CPNE4: variants seen among roughly 807,000 people sequenced by gnomAD.
CPNE4 encodes copine 4, also known as copine-4.
Under a neutral mutation model 67.9 loss-of-function variants are expected in CPNE4, and 25 were observed. That is an observed-to-expected ratio of 0.37 (90% CI 0.27 to 0.51). CPNE4 has a LOEUF of 0.51. CPNE4 is among the 20% of genes least tolerant of loss of function. The probability of loss-of-function intolerance (pLI) is 0.93; values close to 1 mark genes in which losing one functional copy is unlikely to be tolerated. For missense variants in CPNE4, 464 were observed against 690.8 expected (o/e 0.67, Z 3.68); for synonymous variants, 242 against 244.9 (o/e 0.99, Z 0.11).
chr3:131,548,017 G>A (rs13076135), intron 14 of CPNE4, among the ~76,000 whole-genome samples: 23,637 of 152,104 alleles, frequency 0.16, 1,953 homozygotes, highest in African/African-American at 0.21. Flanking sequence ...ACCCAAGCCC[G>A]GAGTAGCTGA....
chr3:132,023,514 G>C (rs1404907221), intron 1 of CPNE4, among the ~76,000 whole-genome samples: 1 of 114,004 alleles, frequency 8.8e-6, no homozygotes, highest in East Asian at 2.5e-4. Flanking sequence ...TTGAGACGGA[G>C]TCTCGCTCTG....
chr3:131,963,005 G>T, intron 1 of CPNE4, among the ~76,000 whole-genome samples: 1 of 152,148 alleles, frequency 6.6e-6, no homozygotes, highest in East Asian at 1.9e-4. Context: ...CTCCCAGTGA[G>T]ACCAATGCAG....
chr3:131,998,913 G>A lies in CPNE4; in HGVS notation c.-2+35654C>T, dbSNP rs1420387174. Among the ~76,000 whole-genome samples, 4 of 151,924 alleles carry A rather than the reference G, an allele frequency of 2.6e-5. No individual in the cohort carries two copies. The East Asian group carries it at 7.7e-4, about 29-fold the overall frequency. On this transcript the variant is annotated intron_variant, in intron 1 of 15. Transcript: ENST00000429747. ...TAGTAGTAAACAGGTCCTATCTCTA[G>A]CTTATATTATAATGAGTGAAAACAA...
chr3:131,882,997 G>A (rs1378632903), intron 2 of CPNE4, among the ~76,000 whole-genome samples: 4 of 152,196 alleles, frequency 2.6e-5, no homozygotes, highest in Non-Finnish European at 5.9e-5. Flanking sequence ...GATTACAGGC[G>A]TGAGCCACCA....
intron 7 of CPNE4, among the ~76,000 whole-genome samples, chr3:131,616,504 T>A (rs1940167050): frequency 1.3e-5 from 2 of 152,148 alleles, no homozygotes; most frequent in Admixed American, 1.3e-4. Flanking sequence ...AAACTAGAGG[T>A]AACCCAAATT....
rs1560674366 is a variant in CPNE4 at position 131,955,419 on chromosome 3, T to TTTGTTTTTTTTGTTTTTTTTG, written c.-1-49976_-1-49975insCAAAAAAAACAAAAAAAACAA. The stretch of plus-strand genomic sequence containing the variant: ...TGGTATTGTATGTAAGGTTTTTTTT[T>TTTGTTTTTTTTGTTTTTTTTG]TTTTTTTTTTTTTTTGTATGCTTTC... On this transcript the variant is annotated intron_variant, in intron 1 of 15. Transcript: ENST00000429747. Among the ~76,000 whole-genome samples, 40 of 127,304 alleles carry TTTGTTTTTTTTGTTTTTTTTG rather than the reference T, an allele frequency of 3.1e-4. 2 individuals carry two copies. The highest frequency in any genetic ancestry group is 1.3e-3 in the African/African-American group (40 of 30,788). 83.5% of individuals were successfully genotyped at this position (127,304 alleles called of 152,430 possible). A position where few individuals can be genotyped will look rare whatever the true frequency, so the allele number is the denominator to read the frequency against.
intron 2 of CPNE4, among the ~76,000 whole-genome samples, chr3:131,900,288 T>C (rs1211145401): frequency 5.9e-5 from 9 of 151,920 alleles, no homozygotes; most frequent in African/African-American, 2.2e-4. Context: ...AAAACTACAA[T>C]GAGATATCAT....
upstream of CPNE4, chr3:132,035,349 T>C (rs1235391748): frequency 6.6e-6 from 1 of 152,228 alleles, no homozygotes; most frequent in African/African-American, 2.4e-5. Flanking sequence ...GAAAACTTCT[T>C]AGATGGGTGC....
At chr3:131,703,207 G>A (rs1012164566) in intron 3 of CPNE4, among the ~76,000 whole-genome samples, 1 of 152,198 alleles carries the variant, frequency 6.6e-6, no homozygotes, top group African/African-American at 2.4e-5. Context: ...AGATGAGAAA[G>A]TCAGAGTCAC....
At chr3:131,794,522 C>A (rs553390226) in intron 2 of CPNE4, among the ~76,000 whole-genome samples, 1 of 152,156 alleles carries the variant, frequency 6.6e-6, no homozygotes, top group Non-Finnish European at 1.5e-5. Context: ...GGATTACTGG[C>A]GTGAGCCACC....
At chr3:131,754,733 C>T (rs970798293) in intron 2 of CPNE4, among the ~76,000 whole-genome samples, 10 of 152,098 alleles carry the variant, frequency 6.6e-5, no homozygotes, top group Non-Finnish European at 4.4e-5. Flanking sequence ...TCCTGTGCCA[C>T]GAAGCTATGG....
chr3:131,922,383 T>G (rs1319832090), intron 1 of CPNE4, among the ~76,000 whole-genome samples: 1 of 152,166 alleles, frequency 6.6e-6, no homozygotes, highest in Non-Finnish European at 1.5e-5. Flanking sequence ...GCAGCCTTCT[T>G]CATGCCAGAA....
chr3:131,901,516 A>G (rs569342105), intron 2 of CPNE4, among the ~76,000 whole-genome samples: 1 of 152,168 alleles, frequency 6.6e-6, no homozygotes, highest in Admixed American at 6.5e-5. Context: ...AATCATGGCC[A>G]TTATTAAAGA....
At position 131,786,205 on chromosome 3, in the gene CPNE4, C is replaced by T. The variant is rs532652695; in HGVS notation, c.181-62580G>A. On this transcript the variant is annotated intron_variant, in intron 2 of 15. Transcript: ENST00000429747. ...TGTTCCTCTTCTTCATTTCTGGCAC[C>T]GAGAATTGCCTTGCCTTACCTTCAA... 2.8e-4 allele frequency among the ~76,000 whole-genome samples: 43 copies of T among 152,080 alleles called. No homozygotes were observed. In the South Asian group the frequency reaches 4.8e-3, roughly 17 times the overall value.
In CPNE4 at chr3:131,587,524, G is replaced by A. The variant is rs745959977; in HGVS notation, c.740C>T (p.Ser247Leu). 46 of 1,613,616 alleles carry A rather than the reference G, an allele frequency of 2.9e-5. No individual in the cohort carries two copies. The Admixed American group carries it at 6.0e-4, about 21-fold the overall frequency. The change falls in exon 8 of 16, where the codon TCG (serine) becomes TTG (leucine). Residue 247 changes from serine to leucine, a missense_variant. This residue lies in a region of CPNE4 where 6 missense variants were observed against 24.4 expected (regional missense o/e 0.25). Coordinates refer to ENST00000429747, the MANE Select transcript of CPNE4 (RefSeq NM_130808.3). ...TGCTCCTCTCATCTCCTTGAATGTC[G>A]AGGTGAATTCTCCAATGAAGTCATG... is the stretch of plus-strand genomic sequence containing the variant. The part of the protein sequence containing the change: ...GKHDFIGEFT[S>L]TFKEMRGAME...
chr3:131,807,983 A>G (rs2084381088), intron 2 of CPNE4, among the ~76,000 whole-genome samples: 1 of 152,192 alleles, frequency 6.6e-6, no homozygotes, highest in South Asian at 2.1e-4. Context: ...ACTCTCTGGC[A>G]TGAAGCATAA....
At chr3:131,756,932 C>T (rs1442880537) in intron 2 of CPNE4, among the ~76,000 whole-genome samples, 1 of 152,188 alleles carries the variant, frequency 6.6e-6, no homozygotes, top group Admixed American at 6.5e-5. Context: ...TCTGCTTTTG[C>T]TTCTTCCTCA....
At chr3:131,811,151 T>A (rs1056596565) in intron 2 of CPNE4, among the ~76,000 whole-genome samples, 1 of 152,092 alleles carries the variant, frequency 6.6e-6, no homozygotes, top group East Asian at 1.9e-4. Flanking sequence ...TTGAAGTGTG[T>A]ACAATAAGAG....
chr3:131,753,824 G>T (rs1348493134), intron 2 of CPNE4, among the ~76,000 whole-genome samples: 1 of 152,084 alleles, frequency 6.6e-6, no homozygotes, highest in African/African-American at 2.4e-5. Context: ...TTAATGGTGG[G>T]AATGTGGATA....
Sources: gnomAD v4.1 joint callset for allele counts (sites outside exome capture counted in the v4.1 genomes callset) on GRCh38, gnomAD v4.1.1 for gene constraint, gnomAD v4.1.1 regional missense constraint, MANE v1.5 for transcripts, NCBI Gene and HGNC (gene_info 2026-07-23, HGNC 2026-07-21) for gene names.